The following IPO7 variants were observed in gnomAD, a reference collection of about 807,000 sequenced individuals.
IPO7 encodes importin-7.
In IPO7, 13 loss-of-function variants were observed where a neutral mutation model predicts 136.4. The ratio of observed to expected loss-of-function variants is 0.10; its 90% confidence interval spans 0.06 to 0.15. The LOEUF is 0.15. IPO7 is among the 10% of genes least tolerant of loss of function. The probability of loss-of-function intolerance (pLI) is 1.00; values close to 1 mark genes in which losing one functional copy is unlikely to be tolerated. For synonymous variants in IPO7, 403 were observed against 404.4 expected, an observed-to-expected ratio of 1.00 and a Z score of 0.04; for missense variants, 857 against 1,240.6, an observed-to-expected ratio of 0.69 and a Z score of 4.65.
intron 12 of IPO7, among the ~76,000 whole-genome samples, chr11:9,426,067 A>T (rs1373363434): frequency 2.0e-5 from 3 of 152,028 alleles, no homozygotes; most frequent in African/African-American, 7.3e-5. Context: ...ATAAAAAAAT[A>T]AAAAATAACA....
At chr11:9,425,308 T>TA (rs759206578) in intron 12 of IPO7, 46 bp downstream of exon 12, 33 of 1,137,624 alleles carry the variant, frequency 2.9e-5, no homozygotes, top group African/African-American at 2.6e-4. Flanking sequence ...CAAGTAGTTT[T>TA]AAAAAATAAA....
chr11:9,428,609 C>G lies in IPO7; in HGVS notation c.1405C>G (p.Leu469Val). The G allele has an allele frequency of 1.9e-6, 3 of 1,567,794 alleles. No individual in the cohort carries two copies. The highest frequency in any genetic ancestry group is 2.6e-6 in the Non-Finnish European group (3 of 1,140,378). ...NHVFPLFSSE[L>V]GYMRARACWV... ...TGTATTCCCTCTCTTCAGCAGTGAA[C>G]TAGGCTACATGAGAGCAAGGGTATG... The change falls in exon 13 of 25, where the codon CTA (leucine) becomes GTA (valine). Residue 469 changes from leucine (L) to valine (V), a missense_variant. By Grantham distance (32) the Leu-to-Val change is conservative (BLOSUM62 1). Transcript: ENST00000379719.
intron 8 of IPO7, 122 bp from the exon 9 acceptor site, chr11:9,422,884 T>C: frequency 1.9e-6 from 1 of 526,886 alleles, no homozygotes; most frequent in East Asian, 2.8e-5. Flanking sequence ...TTTCAAAGTA[T>C]ACGGTTGTTT....
chr11:9,429,065 A>G lies in IPO7; in HGVS notation c.1460A>G (p.Lys487Arg). Reference protein sequence around the residue: ...CWVLHYFCEVKFKSDQNLQTA... With the variant: ...CWVLHYFCEVRFKSDQNLQTA... The stretch of plus-strand genomic sequence containing the variant: ...GTACTTCACTATTTTTGTGAAGTGA[A>G]GTTCAAAAGTGATCAGAACCTTCAA... The change falls in exon 14 of 25, where the codon AAG becomes AGG. Residue 487 changes from lysine (K) to arginine (R), a missense_variant. Around this residue, in one of 11 missense-constraint regions of IPO7, gnomAD observed 127 missense variants for 222.4 expected, o/e 0.57. Transcript: ENST00000379719. 6.2e-7 allele frequency: 1 copy of G among 1,613,960 alleles called. No individual in the cohort carries two copies.
chr11:9,422,154 C>G (rs568773147), intron 8 of IPO7, among the ~76,000 whole-genome samples: 1 of 152,214 alleles, frequency 6.6e-6, no homozygotes, highest in African/African-American at 2.4e-5. Context: ...TGGTGCATGT[C>G]TGTAATCCCA....
At chr11:9,393,123 G>A (rs1590425719) in intron 1 of IPO7, among the ~76,000 whole-genome samples, 1 of 152,096 alleles carries the variant, frequency 6.6e-6, no homozygotes, top group African/African-American at 2.4e-5. Flanking sequence ...AGTCTAGCAG[G>A]CAATTGGAAT....
At chr11:9,431,220 G>A (rs1461866038) in intron 16 of IPO7, among the ~76,000 whole-genome samples, 12 of 152,046 alleles carry the variant, frequency 7.9e-5, no homozygotes, top group Non-Finnish European at 1.5e-4. Flanking sequence ...TTGGCTCCTC[G>A]TTATGTTTTC....
At position 9,422,802 on chromosome 11, in the gene IPO7, A is replaced by C. The variant is rs545631514; in HGVS notation, c.907-204A>C. 1.8e-4 allele frequency among the ~76,000 whole-genome samples: 27 copies of C among 152,230 alleles called. No homozygotes were observed. In the South Asian group the frequency reaches 1.9e-3, roughly 11 times the overall value. On this transcript the variant is annotated intron_variant, in intron 8 of 24. Transcript: ENST00000379719. Reference sequence around the variant, plus strand: ...GTCTCTAACAACAACAACAAAAAAAACCCCAGAAAAACGAAGATAGTATAT... The same window carrying C: ...GTCTCTAACAACAACAACAAAAAAACCCCCAGAAAAACGAAGATAGTATAT...
At chr11:9,421,714 G>A (rs1472156734) in intron 8 of IPO7, among the ~76,000 whole-genome samples, 1 of 151,800 alleles carries the variant, frequency 6.6e-6, no homozygotes, top group East Asian at 1.9e-4. Flanking sequence ...GGAGGCCAAG[G>A]CGGGCGGATC....
intron 22 of IPO7, 23 bp from the exon 23 acceptor site, chr11:9,440,430 AAG>A (rs1479873182): frequency 7.1e-6 from 11 of 1,560,072 alleles, no homozygotes; most frequent in Non-Finnish European, 8.8e-6. Flanking sequence ...ATTGTTATAA[AAG>A]TACTTATATT....
chr11:9,446,799 G>C lies in IPO7; in HGVS notation c.*1605G>C, dbSNP rs996901309. ...GTATACCAATAATTAAGCCACTACT[G>C]TTGGCACTGTTTGGTTTTCTATTTT... On this transcript the variant is annotated 3_prime_UTR_variant, in exon 25 of 25. Coordinates refer to ENST00000379719, the MANE Select transcript of IPO7 (RefSeq NM_006391.3). 6.6e-6 allele frequency: 1 copy of C among 152,160 alleles called. No homozygotes were observed. The highest frequency in any genetic ancestry group is 6.5e-5 in the Admixed American group (1 of 15,278). The allele number at this position is 152,160 out of a possible 1,614,324, so 9.4% of individuals were successfully genotyped here.
intron 4 of IPO7, among the ~76,000 whole-genome samples, chr11:9,411,658 A>G (rs1278798714): frequency 1.3e-5 from 2 of 152,170 alleles, no homozygotes; most frequent in African/African-American, 4.8e-5. Flanking sequence ...TTTTTAACAG[A>G]ATAGTGATAA....
chr11:9,441,570 C>T (rs1855460165), intron 23 of IPO7, among the ~76,000 whole-genome samples: 1 of 152,192 alleles, frequency 6.6e-6, no homozygotes, highest in South Asian at 2.1e-4. Flanking sequence ...TACAGAAGCA[C>T]AAAGTGCTGG....
At position 9,442,207 on chromosome 11, in the gene IPO7, T is replaced by C; in HGVS notation, c.3019+10T>C. ...AGAAGAGCAGCCCATGGTATGTTAA[T>C]TAACTGTAACTCCTCTTTAATTAGT... On this transcript the variant is annotated intron_variant, in intron 24 of 24. Coordinates refer to ENST00000379719, the MANE Select transcript of IPO7 (RefSeq NM_006391.3). The C allele has an allele frequency of 7.9e-7, 1 of 1,264,890 alleles. No homozygotes were observed. Among genetic ancestry groups the C allele is most frequent in the Non-Finnish European group, 1.2e-6 (1 of 868,820 alleles). 78.4% of individuals were successfully genotyped at this position (1,264,890 alleles called of 1,614,324 possible).
rs201522176 is a variant in IPO7 at position 9,438,002 on chromosome 11, A to G, written c.2489+28A>G. 159 of 1,570,348 alleles carry G rather than the reference A, an allele frequency of 1.0e-4. No individual in the cohort carries two copies. The African/African-American group carries it at 1.7e-3, about 17-fold the overall frequency. ...AAGTGATGTATTGCAATTTTACTAC[A>G]TTTGCTTTGGGAGGAACTCTGCTTA... On this transcript the variant is annotated intron_variant, in intron 21 of 24. Transcript: ENST00000379719.
chr11:9,394,693 A>G (rs1414799300), intron 1 of IPO7, among the ~76,000 whole-genome samples: 3 of 152,176 alleles, frequency 2.0e-5, no homozygotes, highest in Non-Finnish European at 4.4e-5. Context: ...CTTAGGTTCT[A>G]ACTTGAAATT....
At chr11:9,389,965 C>T (rs1425106354) in intron 1 of IPO7, among the ~76,000 whole-genome samples, 2 of 152,200 alleles carry the variant, frequency 1.3e-5, no homozygotes, top group African/African-American at 2.4e-5. Flanking sequence ...CCATGTTGGC[C>T]AGCCTGGTCT....
chr11:9,420,736 C>T (rs780302635), intron 8 of IPO7, 38 bp downstream of exon 8: 3 of 1,332,420 alleles, frequency 2.3e-6, no homozygotes, highest in Admixed American at 3.4e-5. Context: ...GGAAACATGG[C>T]ATCTTTAAGT....
At chr11:9,420,833 C>T (rs1055160533) in intron 8 of IPO7, 135 bp downstream of exon 8, 32 of 616,832 alleles carry the variant, frequency 5.2e-5, no homozygotes, top group Non-Finnish European at 8.6e-5. Flanking sequence ...CATTTTTGGT[C>T]TCAGGATCTC....
Sources: gnomAD v4.1 joint callset for allele counts (sites outside exome capture counted in the v4.1 genomes callset) on GRCh38, gnomAD v4.1.1 for gene constraint, gnomAD v4.1.1 regional missense constraint, MANE v1.5 for transcripts, NCBI Gene and HGNC (gene_info 2026-07-23, HGNC 2026-07-21) for gene names.